PRKN: variants seen among roughly 807,000 people sequenced by gnomAD.
PRKN encodes parkin RBR E3 ubiquitin protein ligase, also known as E3 ubiquitin-protein ligase parkin.
A neutral mutation model predicts 59.5 loss-of-function variants in PRKN; 56 were observed. The observed-to-expected ratio is 0.94, with a 90% CI of 0.76 to 1.18. The LOEUF (loss-of-function observed/expected upper bound fraction) is 1.18, where lower values mean the gene tolerates loss of function less well. Among genes scored for constraint, PRKN ranks in the 50% most tolerant of loss-of-function variants. PRKN has a pLI of 0.00. For synonymous variants in PRKN, 250 were observed against 222.1 expected, an observed-to-expected ratio of 1.13 and a Z score of -1.12; for missense variants, 657 against 596.4, an observed-to-expected ratio of 1.10 and a Z score of -1.06.
intron 4 of PRKN, among the ~76,000 whole-genome samples, chr6:162,117,452 T>C (rs1780722008): frequency 6.6e-6 from 1 of 152,126 alleles, no homozygotes; most frequent in African/African-American, 2.4e-5. Context: ...AAAAGTGAAA[T>C]TGTATGAGAC....
At chr6:162,416,294 C>T (rs955914391) in intron 2 of PRKN, among the ~76,000 whole-genome samples, 1 of 152,188 alleles carries the variant, frequency 6.6e-6, no homozygotes, top group Non-Finnish European at 1.5e-5. Context: ...CCAGACCCCA[C>T]CTCTACCTGG....
At position 161,687,009 on chromosome 6, in the gene PRKN, T is replaced by C. The variant is rs148129659; in HGVS notation, c.871+98763A>G. Among the ~76,000 whole-genome samples, 768 of 152,184 alleles carry C rather than the reference T, an allele frequency of 5.0e-3. 10 individuals are homozygous for C. The highest frequency in any genetic ancestry group is 0.018 in the African/African-American group (734 of 41,542). On this transcript the variant is annotated intron_variant, in intron 7 of 11. Transcript: ENST00000366898. ...TCCTTGCTGTGCACTTTATAGAGAA[T>C]GAAAAAGTGTTCCATTGAATGGAAT...
chr6:161,895,392 G>A (rs776877911), intron 6 of PRKN, among the ~76,000 whole-genome samples: 3 of 152,200 alleles, frequency 2.0e-5, no homozygotes, highest in South Asian at 2.1e-4. Context: ...CTTGCACCCT[G>A]AAGGTGCTGA....
chr6:161,810,564 G>C (rs1030737658), intron 6 of PRKN, among the ~76,000 whole-genome samples: 3 of 152,106 alleles, frequency 2.0e-5, no homozygotes, highest in African/African-American at 7.2e-5. Context: ...TTCTGAAACA[G>C]AAAGCATCAT....
At chr6:162,263,888 C>A (rs1376055624) in intron 2 of PRKN, among the ~76,000 whole-genome samples, 2 of 151,310 alleles carry the variant, frequency 1.3e-5, no homozygotes, top group African/African-American at 2.4e-5. Context: ...CCACCCCCAC[C>A]CCCCCAACCA....
chr6:161,455,126 C>T (rs1056467481), intron 9 of PRKN, among the ~76,000 whole-genome samples: 6 of 151,328 alleles, frequency 4.0e-5, no homozygotes, highest in Non-Finnish European at 5.9e-5. Flanking sequence ...GCAACCTCTG[C>T]CCCCCGGGTT....
chr6:161,981,327 C>G (rs1474695452), intron 5 of PRKN, among the ~76,000 whole-genome samples: 1 of 152,180 alleles, frequency 6.6e-6, no homozygotes, highest in African/African-American at 2.4e-5. Flanking sequence ...TTTAAGTCTT[C>G]CTATCCATGC....
At chr6:161,845,465 G>T (rs1350867660) in intron 6 of PRKN, among the ~76,000 whole-genome samples, 2 of 152,254 alleles carry the variant, frequency 1.3e-5, no homozygotes, top group East Asian at 1.9e-4. Flanking sequence ...CTGACTCCAA[G>T]AACAGTATTG....
chr6:162,104,503 A>G (rs1008482633), intron 4 of PRKN, among the ~76,000 whole-genome samples: 8 of 152,216 alleles, frequency 5.3e-5, no homozygotes, highest in Non-Finnish European at 1.0e-4. Flanking sequence ...TCATATTAAT[A>G]GGACTGTTTA....
At chr6:161,679,901 C>A (rs1785249974) in intron 7 of PRKN, among the ~76,000 whole-genome samples, 1 of 151,780 alleles carries the variant, frequency 6.6e-6, no homozygotes, top group Admixed American at 6.6e-5. Context: ...ACTACAGGCG[C>A]CTGCCACCAG....
chr6:162,712,841 A>C (rs1778586994), intron 1 of PRKN, among the ~76,000 whole-genome samples: 1 of 152,182 alleles, frequency 6.6e-6, no homozygotes, highest in South Asian at 2.1e-4. Flanking sequence ...TGAATGTAAA[A>C]ACCAGGGTCA....
At chr6:162,146,245 C>T (rs537907093) in intron 4 of PRKN, among the ~76,000 whole-genome samples, 18 of 152,158 alleles carry the variant, frequency 1.2e-4, no homozygotes, top group South Asian at 8.3e-4. Flanking sequence ...TGGCCCATGA[C>T]GATGTCATTG....
At chr6:161,684,961 G>T in intron 7 of PRKN, among the ~76,000 whole-genome samples, 1 of 152,104 alleles carries the variant, frequency 6.6e-6, no homozygotes, top group African/African-American at 2.4e-5. Flanking sequence ...GGATCAGAAA[G>T]CTTTGGAACT....
At position 162,659,817 on chromosome 6, in the gene PRKN, T is replaced by C. The variant is rs561686105; in HGVS notation, c.7+67845A>G. ...TGAAAAGTAATATACTTTCGTAAAA[T>C]GATAGAACCATGAAAGTTTTATTAG... On this transcript the variant is annotated intron_variant, in intron 1 of 11. Coordinates refer to ENST00000366898, the MANE Select transcript of PRKN (RefSeq NM_004562.3). Among the ~76,000 whole-genome samples, 6 of 152,272 alleles carry C rather than the reference T, an allele frequency of 3.9e-5. No individual in the cohort carries two copies. In the East Asian group the frequency reaches 1.2e-3, roughly 29 times the overall value.
chr6:161,719,233 T>G (rs1240838487), intron 7 of PRKN, among the ~76,000 whole-genome samples: 1 of 152,076 alleles, frequency 6.6e-6, no homozygotes, highest in East Asian at 1.9e-4. Flanking sequence ...GTTTTTTTTT[T>G]TTAAGTATTT....
intron 2 of PRKN, among the ~76,000 whole-genome samples, chr6:162,404,640 C>A (rs1230470863): frequency 3.9e-5 from 6 of 152,058 alleles, no homozygotes; most frequent in Non-Finnish European, 8.8e-5. Context: ...GCAACCTCCA[C>A]CTCCCAGGTT....
intron 1 of PRKN, among the ~76,000 whole-genome samples, chr6:162,546,215 T>C (rs1779112860): frequency 6.7e-6 from 1 of 149,864 alleles, no homozygotes; most frequent in South Asian, 2.2e-4. Context: ...GCGATGCTCC[T>C]GCCCCAGTCT....
At chr6:162,563,438 C>T (rs2128206747) in intron 1 of PRKN, among the ~76,000 whole-genome samples, 1 of 152,304 alleles carries the variant, frequency 6.6e-6, no homozygotes, top group South Asian at 2.1e-4. Context: ...TATGAGTCTG[C>T]AAGAACCACA....
intron 2 of PRKN, among the ~76,000 whole-genome samples, chr6:162,376,175 G>T (rs888621414): frequency 1.3e-5 from 2 of 152,050 alleles, no homozygotes; most frequent in Non-Finnish European, 2.9e-5. Flanking sequence ...ACTGGAGGAG[G>T]CAGTGACAAC....
Sources: allele counts gnomAD v4.1 joint callset (sites outside exome capture counted in the v4.1 genomes callset), GRCh38; gene constraint gnomAD v4.1.1; transcripts MANE v1.5; gene names NCBI Gene and HGNC (gene_info 2026-07-23, HGNC 2026-07-21).